The following UNC79 variants were observed in gnomAD, a reference collection of about 807,000 sequenced individuals.
UNC79 encodes the protein protein unc-79 homolog.
In UNC79, 37 loss-of-function variants were observed where a neutral mutation model predicts 283.1. That is an observed-to-expected ratio of 0.13 (90% confidence interval 0.10 to 0.17). The LOEUF is 0.17. Among genes scored for constraint, UNC79 ranks in the 10% least tolerant of loss-of-function variants. The pLI is 1.00. For synonymous variants in UNC79, 1,107 were observed against 1,200.2 expected, an observed-to-expected ratio of 0.92 and a Z score of 1.61; for missense variants, 2,272 against 3,211.1, an observed-to-expected ratio of 0.71 and a Z score of 7.07.
chr14:93,699,383 A>G (rs760644034), intron 47 of UNC79, among the ~76,000 whole-genome samples: 6 of 152,162 alleles, frequency 3.9e-5, no homozygotes, highest in Non-Finnish European at 7.4e-5. Context: ...TAACTTAAGA[A>G]CTTCCTTCTT....
rs1017336441 is a variant in UNC79, at chr14:93,489,662, C to T, written c.712+1907C>T. ...TCCAGGCCCACTGGGGTGGAGGTCC[C>T]ACCTTCCAAACCCATTGGGGTAAGA... On this transcript the variant is annotated intron_variant, in intron 5 of 48. Transcript: ENST00000555664. Among the ~76,000 whole-genome samples the T allele has an allele frequency of 2.0e-5, 3 of 152,344 alleles. No individual in the cohort carries two copies. In the South Asian group the frequency reaches 6.2e-4, roughly 32 times the overall value.
At chr14:93,636,950 C>T (rs2068559087) in intron 31 of UNC79, among the ~76,000 whole-genome samples, 8 of 152,100 alleles carry the variant, frequency 5.3e-5, no homozygotes, top group Admixed American at 5.2e-4. Flanking sequence ...TTTGTGGGGG[C>T]AGGGTGGGGT....
intron 1 of UNC79, among the ~76,000 whole-genome samples, chr14:93,351,018 C>T (rs2053971550): frequency 6.6e-6 from 1 of 152,218 alleles, no homozygotes; most frequent in South Asian, 2.1e-4. Flanking sequence ...CTGCTATACT[C>T]ATAACCTTGA....
intron 12 of UNC79, among the ~76,000 whole-genome samples, chr14:93,540,302 GCA>G (rs1224059356): frequency 6.6e-6 from 1 of 152,206 alleles, no homozygotes; most frequent in Admixed American, 6.5e-5. Flanking sequence ...TTTGCTGTCT[GCA>G]CAGTTTCATG....
intron 24 of UNC79, among the ~76,000 whole-genome samples, chr14:93,599,564 A>G (rs941790918): frequency 1.3e-5 from 2 of 152,206 alleles, no homozygotes; most frequent in African/African-American, 4.8e-5. Context: ...TGATCTTACC[A>G]GGTACTTCTA....
chr14:93,515,388 G>T (rs1325784597), intron 7 of UNC79, among the ~76,000 whole-genome samples: 1 of 151,910 alleles, frequency 6.6e-6, no homozygotes, highest in African/African-American at 2.4e-5. Context: ...TCAGTGTTCT[G>T]GATCCCTGGA....
intron 14 of UNC79, among the ~76,000 whole-genome samples, chr14:93,546,561 A>G (rs1407550226): frequency 6.6e-6 from 1 of 152,226 alleles, no homozygotes; most frequent in Non-Finnish European, 1.5e-5. Context: ...AAAAAGATAT[A>G]TTTCATGTTT....
chr14:93,618,249 G>C, exon 29 of UNC79: 1 of 1,613,952 alleles, frequency 6.2e-7, no homozygotes, highest in South Asian at 1.1e-5. Flanking sequence ...TCACATAACA[G>C]TCAATACACT....
At chr14:93,654,723 C>T (rs1374625311) in intron 37 of UNC79, among the ~76,000 whole-genome samples, 3 of 152,288 alleles carry the variant, frequency 2.0e-5, no homozygotes, top group Non-Finnish European at 4.4e-5. Context: ...CTTCTCCATA[C>T]CCTCAGCTAA....
At chr14:93,586,806 A>G (rs924911564) in exon 22 of UNC79, 1 of 1,614,056 alleles carries the variant, frequency 6.2e-7, no homozygotes, top group Admixed American at 1.7e-5. Flanking sequence ...AATATGCTCA[A>G]TTGCCTGAAG....
At chr14:93,564,789 T>C (rs1450235862) in intron 14 of UNC79, among the ~76,000 whole-genome samples, 1 of 151,668 alleles carries the variant, frequency 6.6e-6, no homozygotes, top group Admixed American at 6.6e-5. Context: ...AGGTGCTCAG[T>C]GGGGGAGCTT....
intron 6 of UNC79, among the ~76,000 whole-genome samples, chr14:93,496,823 G>A (rs1296613328): frequency 6.6e-6 from 1 of 152,154 alleles, no homozygotes; most frequent in African/African-American, 2.4e-5. Context: ...TTAGGGAAAT[G>A]TTTTTTCAAA....
intron 14 of UNC79, among the ~76,000 whole-genome samples, chr14:93,545,893 T>C (rs1339591355): frequency 6.6e-6 from 1 of 152,074 alleles, no homozygotes; most frequent in Non-Finnish European, 1.5e-5. Flanking sequence ...CAAAGTCAAT[T>C]TGGAGGAAGG....
intron 7 of UNC79, among the ~76,000 whole-genome samples, chr14:93,519,380 A>G (rs892526231): frequency 1.3e-5 from 2 of 151,768 alleles, no homozygotes; most frequent in Non-Finnish European, 3.0e-5. Flanking sequence ...GTTTACTTCT[A>G]GCTTATCTGA....
chr14:93,599,382 G>GTGTGTGTT (rs1055178710), intron 24 of UNC79, among the ~76,000 whole-genome samples: 5 of 151,132 alleles, frequency 3.3e-5, no homozygotes, highest in African/African-American at 1.2e-4. Context: ...GTGTGTGTGT[G>GTGTGTGTT]TGTATGTGTG....
chr14:93,358,269 A>T (rs748271414), intron 1 of UNC79, among the ~76,000 whole-genome samples: 8 of 152,116 alleles, frequency 5.3e-5, no homozygotes, highest in Non-Finnish European at 8.8e-5. Flanking sequence ...TCTATACATC[A>T]TACCTTTGAC....
chr14:93,417,672 A>C (rs1249317990), intron 1 of UNC79, among the ~76,000 whole-genome samples: 2 of 152,068 alleles, frequency 1.3e-5, no homozygotes, highest in Admixed American at 1.3e-4. Flanking sequence ...TCAGATGTAG[A>C]TGTGGTCTTT....
intron 1 of UNC79, chr14:93,464,543 G>A (rs1394987111): frequency 2.2e-6 from 1 of 456,214 alleles, no homozygotes. Context: ...TTGAGGTTAA[G>A]GTTTCAACAT....
chr14:93,682,966 T>C (rs1367295868), intron 42 of UNC79, among the ~76,000 whole-genome samples: 1 of 152,248 alleles, frequency 6.6e-6, no homozygotes, highest in Non-Finnish European at 1.5e-5. Flanking sequence ...GAAAATGTTA[T>C]CTATTAAAAA....
Sources: allele counts gnomAD v4.1 joint callset (sites outside exome capture counted in the v4.1 genomes callset), GRCh38; gene constraint gnomAD v4.1.1; transcripts MANE v1.5; gene names NCBI Gene and HGNC (gene_info 2026-07-23, HGNC 2026-07-21).